Variants in KIDINS220 observed in about 807,000 individuals in gnomAD.
KIDINS220 encodes the protein kinase D-interacting substrate of 220 kDa.
In KIDINS220, 63 loss-of-function variants were observed where a neutral mutation model predicts 157.6. That is an observed-to-expected ratio of 0.40 (90% CI 0.33 to 0.49). KIDINS220 has a LOEUF of 0.49. Ranked by LOEUF, KIDINS220 falls within the 20% of genes least tolerant of loss-of-function variation. KIDINS220 has a pLI of 0.66. For missense variants in KIDINS220, 1,772 were observed against 2,171.2 expected (o/e 0.82, Z 3.65); for synonymous variants, 732 against 783.6 (o/e 0.93, Z 1.10).
At chr2:8,806,201 G>T (rs1439402685) in intron 7 of KIDINS220, 70 bp downstream of exon 7, 8 of 1,183,132 alleles carry the variant, frequency 6.8e-6, no homozygotes, top group Non-Finnish European at 9.7e-6. Flanking sequence ...ATACACTAAA[G>T]AAATAAATTC....
intron 22 of KIDINS220, chr2:8,757,460 A>G: frequency 7.4e-7 from 1 of 1,346,292 alleles, no homozygotes; most frequent in East Asian, 3.2e-5. Context: ...GATTGTTTCC[A>G]AAGGGATATG....
At chr2:8,758,824 C>G (rs932672191) in intron 22 of KIDINS220, among the ~76,000 whole-genome samples, 1 of 152,094 alleles carries the variant, frequency 6.6e-6, no homozygotes, top group African/African-American at 2.4e-5. Context: ...TTGGAAAGAA[C>G]ATTAGCTTAG....
intron 22 of KIDINS220, among the ~76,000 whole-genome samples, chr2:8,765,584 A>G (rs1360731658): frequency 6.6e-6 from 1 of 152,232 alleles, no homozygotes; most frequent in East Asian, 1.9e-4. Context: ...ATTCTTGCAG[A>G]TGTTTAGAAT....
rs781272996 is a variant in KIDINS220 at position 8,733,571 on chromosome 2, G to T, written c.3926C>A (p.Ser1309Tyr). ...APHGEPARRA[S>Y]HNELPHTELS... ...CTCGGTGTGAGGCAGCTCGTTGTGG[G>T]AAGCGCGGCGAGCAGGCTCACCGTG... Residue 1309 changes from serine (S) to tyrosine (Y), a missense_variant, in exon 29 of 30, where the codon TCC becomes TAC. By Grantham distance (144) the Ser-to-Tyr change is moderately radical. Coordinates refer to ENST00000256707, the MANE Select transcript of KIDINS220 (RefSeq NM_020738.4). The T allele has an allele frequency of 1.1e-5, 17 of 1,613,980 alleles. No homozygotes were observed. In the Admixed American group the frequency reaches 2.2e-4, roughly 21 times the overall value.
chr2:8,832,394 T>C (rs1434434313), intron 1 of KIDINS220, among the ~76,000 whole-genome samples: 1 of 152,218 alleles, frequency 6.6e-6, no homozygotes, highest in Non-Finnish European at 1.5e-5. Flanking sequence ...AATTAGAACA[T>C]TAAATCCACA....
intron 8 of KIDINS220, among the ~76,000 whole-genome samples, chr2:8,802,589 A>C (rs932232937): frequency 6.6e-6 from 1 of 152,210 alleles, no homozygotes; most frequent in South Asian, 2.1e-4. Context: ...TTAAGAGGCC[A>C]ATTAGACATT....
intron 22 of KIDINS220, among the ~76,000 whole-genome samples, chr2:8,756,685 C>T (rs890891466): frequency 2.6e-5 from 4 of 151,348 alleles, no homozygotes; most frequent in African/African-American, 9.7e-5. Context: ...AAGGACACTA[C>T]AGAGAGAGAG....
At position 8,786,349 on chromosome 2, in the gene KIDINS220, A is replaced by C. The variant is rs747173862; in HGVS notation, c.1796T>G (p.Phe599Cys). 6.2e-7 allele frequency: 1 copy of C among 1,611,926 alleles called. No individual in the cohort carries two copies. Among genetic ancestry groups the C allele is most frequent in the Non-Finnish European group, 8.5e-7 (1 of 1,178,836 alleles). Residue 599 changes from phenylalanine (F) to cysteine (C), a missense_variant, in exon 16 of 30, where the codon TTT (phenylalanine) becomes TGT (cysteine). Phe to Cys is a radical substitution (Grantham distance 205, BLOSUM62 -2). Around this residue, in one of 3 missense-constraint regions of KIDINS220, gnomAD observed 725 missense variants for 1,017.1 expected, o/e 0.71. Coordinates refer to ENST00000256707, the MANE Select transcript of KIDINS220 (RefSeq NM_020738.4). ...ACTGGACAGTCTATTGTAATCTGTA[A>C]ACAAAAACCTTGAAGAAAAGAACAA... ...TTKALPVRFL[F>C]TDYNRLSSVG...
At chr2:8,824,609 G>A (rs112303489) in intron 2 of KIDINS220, among the ~76,000 whole-genome samples, 5,181 of 152,272 alleles carry the variant, frequency 0.034, 322 homozygotes, top group African/African-American at 0.12. Flanking sequence ...GAGCCTGGGA[G>A]GTCGAGGCTG....
chr2:8,793,732 C>G, intron 12 of KIDINS220, 78 bp downstream of exon 12: 4 of 1,336,604 alleles, frequency 3.0e-6, no homozygotes, highest in Non-Finnish European at 4.0e-6. Flanking sequence ...AGCCACCATG[C>G]CTGGCCTTAT....
rs556425278 is a variant in KIDINS220 at position 8,832,548 on chromosome 2, T to C, written c.-37+4932A>G. Among the ~76,000 whole-genome samples, 17 of 152,272 alleles carry C rather than the reference T, an allele frequency of 1.1e-4. No individual in the cohort carries two copies. In the South Asian group the frequency reaches 3.5e-3, roughly 32 times the overall value. On this transcript the variant is annotated intron_variant, in intron 1 of 29. Coordinates refer to ENST00000256707, the MANE Select transcript of KIDINS220 (RefSeq NM_020738.4). ...GTACACATGAACAAAAAGAAAAGTG[T>C]GGAAGGACACACACCTGGCTGTAAA...
chr2:8,759,180 T>C (rs1558360111), intron 22 of KIDINS220, among the ~76,000 whole-genome samples: 1 of 152,188 alleles, frequency 6.6e-6, no homozygotes, highest in Non-Finnish European at 1.5e-5. Flanking sequence ...CTTCTTCAAG[T>C]GTGTTTGTCT....
chr2:8,746,883 T>A, intron 26 of KIDINS220: 1 of 419,714 alleles, frequency 2.4e-6, no homozygotes, highest in Non-Finnish European at 4.2e-6. Flanking sequence ...GAAAAAGCCC[T>A]TCCTTATTGA....
At chr2:8,736,154 T>C (rs1002809146) in intron 27 of KIDINS220, among the ~76,000 whole-genome samples, 1 of 152,222 alleles carries the variant, frequency 6.6e-6, no homozygotes, top group Non-Finnish European at 1.5e-5. Context: ...TGTCATTCTT[T>C]CAAGTATATA....
chr2:8,832,120 C>T (rs1679725890), intron 1 of KIDINS220, among the ~76,000 whole-genome samples: 1 of 152,182 alleles, frequency 6.6e-6, no homozygotes, highest in Non-Finnish European at 1.5e-5. Context: ...TTGAACTCTT[C>T]CCCGAATCAC....
intron 6 of KIDINS220, among the ~76,000 whole-genome samples, chr2:8,808,557 C>A (rs867622871): frequency 5.3e-5 from 8 of 152,288 alleles, no homozygotes; most frequent in African/African-American, 1.7e-4. Context: ...CCAGCAAGAC[C>A]TTCCCTCACC....
rs75446212 is a variant in KIDINS220, at chr2:8,805,072, T to A, written c.603+1199A>T. 1.2e-3 allele frequency among the ~76,000 whole-genome samples: 178 copies of A among 152,210 alleles called. 2 individuals carry two copies. In the East Asian group the frequency reaches 0.027, roughly 23 times the overall value. ...GGGAAGTACTATTTACCAGTTTCCA[T>A]AAGGGATATTTTAAAGGATAGAAAT... On this transcript the variant is annotated intron_variant, in intron 7 of 29. Transcript: ENST00000256707.
At chr2:8,825,242 G>C (rs189404780) in intron 2 of KIDINS220, among the ~76,000 whole-genome samples, 1 of 151,720 alleles carries the variant, frequency 6.6e-6, no homozygotes, top group African/African-American at 2.4e-5. Flanking sequence ...GTGTGGTGGC[G>C]CACGACTGTA....
chr2:8,776,870 A>T lies in KIDINS220; in HGVS notation c.2726T>A (p.Met909Lys), dbSNP rs1355535493. The change falls in exon 21 of 30, where the codon ATG becomes AAG. Residue 909 changes from methionine (M) to lysine (K), a missense_variant. This residue lies in a region of KIDINS220 where 725 missense variants were observed against 1,017.1 expected (regional missense o/e 0.71). Transcript: ENST00000256707. ...CATCTGGCGAGTGATGGTCCTCTGC[A>T]TCTGCCTTCTTCGGTAAGTGTCCTG... The part of the protein sequence containing the change: ...NRRDTYRRRQ[M>K]QRTITRQMSF... 45 of 1,613,948 alleles carry T rather than the reference A, an allele frequency of 2.8e-5. No individual in the cohort carries two copies. Among genetic ancestry groups the T allele is most frequent in the Non-Finnish European group, 3.7e-5 (44 of 1,179,898 alleles).
Sources: gnomAD v4.1 joint callset for allele counts (sites outside exome capture counted in the v4.1 genomes callset) on GRCh38, gnomAD v4.1.1 for gene constraint, gnomAD v4.1.1 regional missense constraint, MANE v1.5 for transcripts, NCBI Gene and HGNC (gene_info 2026-07-23, HGNC 2026-07-21) for gene names.